The following TNFRSF19 variants were observed in gnomAD, a reference collection of about 807,000 sequenced individuals.
TNFRSF19 encodes the protein TNF receptor superfamily member 19, also known as tumor necrosis factor receptor superfamily member 19.
In TNFRSF19, 27 loss-of-function variants were observed where a neutral mutation model predicts 46.4. The observed-to-expected ratio is 0.58, with a 90% CI of 0.43 to 0.80. TNFRSF19 has a LOEUF of 0.80. Ranked by LOEUF, TNFRSF19 falls within the 30% of genes least tolerant of loss-of-function variation. TNFRSF19 has a pLI of 0.00. For synonymous variants in TNFRSF19, 204 were observed against 205.0 expected, an observed-to-expected ratio of 1.00 and a Z score of 0.04; for missense variants, 511 against 530.8, an observed-to-expected ratio of 0.96 and a Z score of 0.37.
At chr13:23,653,614 C>G (rs1883789310) in intron 5 of TNFRSF19, among the ~76,000 whole-genome samples, 1 of 152,048 alleles carries the variant, frequency 6.6e-6, no homozygotes, top group Non-Finnish European at 1.5e-5. Flanking sequence ...GAGGCACTGA[C>G]AGGTGAGGAA....
intron 1 of TNFRSF19, chr13:23,579,534 G>T (rs1393801694): frequency 1.3e-5 from 2 of 152,474 alleles, no homozygotes; most frequent in Admixed American, 1.3e-4. Context: ...GGGAAGGTAG[G>T]TGCGTCGCTG....
chr13:23,572,932 A>G (rs1877721487), intron 1 of TNFRSF19, among the ~76,000 whole-genome samples: 1 of 152,188 alleles, frequency 6.6e-6, no homozygotes, highest in Admixed American at 6.5e-5. Flanking sequence ...TCTTCAAAAG[A>G]CTTTTATGTT....
chr13:23,640,768 T>G (rs565081872), intron 5 of TNFRSF19, among the ~76,000 whole-genome samples: 1 of 152,350 alleles, frequency 6.6e-6, no homozygotes, highest in South Asian at 2.1e-4. Context: ...GCCATAATTT[T>G]GCAGTAAGTG....
chr13:23,638,223 A>T (rs1882817416), intron 5 of TNFRSF19, among the ~76,000 whole-genome samples: 1 of 150,970 alleles, frequency 6.6e-6, no homozygotes, highest in African/African-American at 2.4e-5. Context: ...AGGTTCCTTT[A>T]CTCTCTCATG....
intron 1 of TNFRSF19, among the ~76,000 whole-genome samples, chr13:23,579,889 CCCGGCGCCCGCCCG>C (rs1762575009): frequency 6.6e-6 from 1 of 151,950 alleles, no homozygotes; most frequent in Admixed American, 6.6e-5. Flanking sequence ...CCGACCCGGC[CCCGGCGCCCGCCCG>C]CGTCCTGCGG....
intron 1 of TNFRSF19, 130 bp downstream of exon 1, chr13:23,570,978 C>T (rs1163596756): frequency 6.6e-6 from 1 of 152,224 alleles, no homozygotes; most frequent in African/African-American, 2.4e-5. Flanking sequence ...AGCATTTATA[C>T]AGCTGAATAC....
At chr13:23,640,257 G>A (rs995597156) in intron 5 of TNFRSF19, among the ~76,000 whole-genome samples, 1 of 152,192 alleles carries the variant, frequency 6.6e-6, no homozygotes, top group Non-Finnish European at 1.5e-5. Flanking sequence ...TAGAGACTTG[G>A]TGACTTCTAG....
chr13:23,598,463 A>G (rs1011162162), intron 3 of TNFRSF19, among the ~76,000 whole-genome samples: 1 of 152,218 alleles, frequency 6.6e-6, no homozygotes, highest in African/African-American at 2.4e-5. Flanking sequence ...CTTAAAATGA[A>G]TGTCAGCATT....
intron 3 of TNFRSF19, among the ~76,000 whole-genome samples, chr13:23,608,670 A>G (rs1319313159): frequency 6.6e-6 from 1 of 152,240 alleles, no homozygotes; most frequent in Admixed American, 6.5e-5. Context: ...CACTGCGGTT[A>G]CTGAACACTT....
At chr13:23,662,207 T>C (rs560301567) in intron 7 of TNFRSF19, among the ~76,000 whole-genome samples, 2 of 152,344 alleles carry the variant, frequency 1.3e-5, no homozygotes, top group Admixed American at 1.3e-4. Flanking sequence ...AGTTGATTTT[T>C]GTATATGGTG....
chr13:23,649,102 A>G (rs1050359002), intron 5 of TNFRSF19, among the ~76,000 whole-genome samples: 1 of 152,302 alleles, frequency 6.6e-6, no homozygotes, highest in East Asian at 1.9e-4. Flanking sequence ...ATGAGTTAAA[A>G]GTGTTCTCCC....
At chr13:23,633,431 T>A (rs1383879106) in intron 5 of TNFRSF19, among the ~76,000 whole-genome samples, 1 of 152,274 alleles carries the variant, frequency 6.6e-6, no homozygotes. Context: ...GTAATTCATT[T>A]AAAAATGATT....
rs778130753 is a variant in TNFRSF19, at chr13:23,626,783, G to A, written c.436G>A (p.Glu146Lys). Residue 146 changes from glutamate to lysine, a missense_variant, in exon 5 of 10, where the codon GAA becomes AAA. By Grantham distance (56) the Glu-to-Lys change is moderately conservative. Transcript: ENST00000248484. ...VPCGDPPPPY[E>K]PHCASKVNLV... ...TTGTGGAGACCCTCCTCCTCCTTAC[G>A]AACCGCACTGTGAGTGAACGCAACA... 1.2e-5 allele frequency: 20 copies of A among 1,613,940 alleles called. No homozygotes were observed. The East Asian group carries it at 2.2e-4, about 18-fold the overall frequency.
chr13:23,592,341 C>G (rs1413357336), intron 2 of TNFRSF19, among the ~76,000 whole-genome samples: 1 of 152,080 alleles, frequency 6.6e-6, no homozygotes, highest in Non-Finnish European at 1.5e-5. Context: ...TTGGACCAAA[C>G]GTCTTCACCA....
rs1181830983 is a variant in TNFRSF19, at chr13:23,660,487, T to C, written c.733T>C (p.Cys245Arg). The change falls in exon 7 of 10, where the codon TGC becomes CGC. Residue 245 changes from cysteine (C) to arginine (R), a missense_variant. This residue lies in a region of TNFRSF19 where 376 missense variants were observed against 372.7 expected (regional missense o/e 1.01). Coordinates refer to ENST00000248484, the MANE Select transcript of TNFRSF19 (RefSeq NM_148957.4). ...CQCRRDSVQT[C>R]GPVRLLPSMC... is the part of the protein sequence containing the mutation. ...GTGCCGCCGTGACTCAGTGCAGACCTGCGGTAAGTTCAGCAGGGAAGTGCC... is the reference window on the plus strand; with the variant it reads ...GTGCCGCCGTGACTCAGTGCAGACCCGCGGTAAGTTCAGCAGGGAAGTGCC... 1 of 1,611,838 alleles carries C rather than the reference T, an allele frequency of 6.2e-7. No individual in the cohort carries two copies. Among genetic ancestry groups the C allele is most frequent in the East Asian group, 2.2e-5 (1 of 44,792 alleles).
rs143102713 is a variant in TNFRSF19, at chr13:23,616,897, A to C, written c.359+852A>C. On this transcript the variant is annotated intron_variant, in intron 4 of 9. Coordinates refer to ENST00000248484, the MANE Select transcript of TNFRSF19 (RefSeq NM_148957.4). Reference sequence around the variant, plus strand: ...CCCGGCTTCTTATAGGGTTTTAAAAAATATTTAAATAGTAAATAATAAAGA... The same window carrying C: ...CCCGGCTTCTTATAGGGTTTTAAAACATATTTAAATAGTAAATAATAAAGA... 7.1e-3 allele frequency among the ~76,000 whole-genome samples: 1,077 copies of C among 152,300 alleles called. 12 individuals carry two copies. The highest frequency in any genetic ancestry group is 0.024 in the African/African-American group (1,014 of 41,564).
chr13:23,650,015 G>C (rs1297667500), intron 5 of TNFRSF19, among the ~76,000 whole-genome samples: 1 of 152,262 alleles, frequency 6.6e-6, no homozygotes, highest in East Asian at 1.9e-4. Flanking sequence ...TGAAGAGAAT[G>C]TGTATTCTGA....
chr13:23,649,464 G>A (rs1290215268), intron 5 of TNFRSF19, among the ~76,000 whole-genome samples: 2 of 151,168 alleles, frequency 1.3e-5, no homozygotes, highest in Non-Finnish European at 2.9e-5. Flanking sequence ...TATTTACTTA[G>A]TCTAAAGTTT....
intron 3 of TNFRSF19, among the ~76,000 whole-genome samples, chr13:23,603,812 A>G (rs1459554624): frequency 2.0e-5 from 3 of 152,038 alleles, no homozygotes; most frequent in Non-Finnish European, 4.4e-5. Context: ...TCAGTAAACT[A>G]GGAATGGAAA....
Sources: gnomAD v4.1 joint callset for allele counts (sites outside exome capture counted in the v4.1 genomes callset) on GRCh38, gnomAD v4.1.1 for gene constraint, gnomAD v4.1.1 regional missense constraint, MANE v1.5 for transcripts, NCBI Gene and HGNC (gene_info 2026-07-23, HGNC 2026-07-21) for gene names.